DLG2: variants seen among roughly 807,000 people sequenced by gnomAD.
DLG2 encodes disks large homolog 2.
DLG2 carries 45 observed loss-of-function variants against 132.5 expected under a neutral mutation model. The ratio of observed to expected loss-of-function variants is 0.34; its 90% CI spans 0.27 to 0.44. DLG2 has a LOEUF of 0.44. Ranked by LOEUF, DLG2 falls within the 20% of genes least tolerant of loss-of-function variation. The pLI, the probability that DLG2 is intolerant of heterozygous loss-of-function variation, is 1.00. For missense variants in DLG2, 1,045 were observed against 1,196.9 expected, an observed-to-expected ratio of 0.87 and a Z score of 1.87; for synonymous variants, 424 against 419.6, an observed-to-expected ratio of 1.01 and a Z score of -0.13.
intron 4 of DLG2, among the ~76,000 whole-genome samples, chr11:85,270,215 A>G (rs2077443550): frequency 6.6e-6 from 1 of 152,126 alleles, no homozygotes. Flanking sequence ...TTATGGGGGC[A>G]AGTCTTTCCC....
intron 6 of DLG2, among the ~76,000 whole-genome samples, chr11:84,702,784 T>C (rs1216878158): frequency 1.3e-5 from 2 of 151,654 alleles, no homozygotes; most frequent in Non-Finnish European, 3.0e-5. Context: ...ATTTAAGTCT[T>C]CTGTCTCTTC....
At chr11:85,113,666 A>G (rs1772960426) in intron 5 of DLG2, among the ~76,000 whole-genome samples, 1 of 152,000 alleles carries the variant, frequency 6.6e-6, no homozygotes, top group Admixed American at 6.6e-5. Context: ...GTTCCCATTG[A>G]TCTACCTGTG....
At chr11:85,517,072 A>G (rs2153169086) in intron 3 of DLG2, among the ~76,000 whole-genome samples, 1 of 152,238 alleles carries the variant, frequency 6.6e-6, no homozygotes, top group East Asian at 1.9e-4. Context: ...AAAAGATAGT[A>G]CACCATGATC....
chr11:84,011,227 T>G (rs1303286316), intron 11 of DLG2, among the ~76,000 whole-genome samples: 1 of 152,030 alleles, frequency 6.6e-6, no homozygotes, highest in Non-Finnish European at 1.5e-5. Context: ...TCCTAGCACT[T>G]TGGGAGGCTG....
chr11:85,015,414 A>T (rs1249334704), intron 6 of DLG2, among the ~76,000 whole-genome samples: 2 of 4,014 alleles, frequency 5.0e-4, no homozygotes, highest in South Asian at 0.012. Flanking sequence ...GTGTTATTTA[A>T]AAAAAAAAAA....
intron 6 of DLG2, among the ~76,000 whole-genome samples, chr11:84,971,254 G>A (rs1257879413): frequency 2.0e-5 from 3 of 152,140 alleles, no homozygotes; most frequent in Non-Finnish European, 4.4e-5. Flanking sequence ...AAAGCACAGA[G>A]GCAAGAAAAT....
intron 3 of DLG2, among the ~76,000 whole-genome samples, chr11:85,396,323 A>G (rs1385325243): frequency 6.6e-6 from 1 of 152,206 alleles, no homozygotes; most frequent in Non-Finnish European, 1.5e-5. Context: ...ATGGGGAGAA[A>G]CAAGAGCAGA....
intron 11 of DLG2, among the ~76,000 whole-genome samples, chr11:84,003,670 T>G (rs976803615): frequency 6.6e-6 from 1 of 152,148 alleles, no homozygotes; most frequent in Non-Finnish European, 1.5e-5. Flanking sequence ...ATGATTCAGT[T>G]ACCTCCACCT....
At chr11:84,178,985 C>T (rs1488258495) in intron 8 of DLG2, among the ~76,000 whole-genome samples, 4 of 151,880 alleles carry the variant, frequency 2.6e-5, no homozygotes, top group Non-Finnish European at 4.4e-5. Flanking sequence ...ATGATCCATA[C>T]ATAAGAAAGT....
intron 6 of DLG2, among the ~76,000 whole-genome samples, chr11:84,798,251 C>T (rs929993445): frequency 2.0e-5 from 3 of 152,122 alleles, no homozygotes; most frequent in Admixed American, 2.0e-4. Flanking sequence ...TGTGTTCTTC[C>T]CTTCAGTGTG....
At chr11:83,471,339 C>T (rs970201111) in intron 24 of DLG2, among the ~76,000 whole-genome samples, 2 of 152,054 alleles carry the variant, frequency 1.3e-5, no homozygotes, top group Non-Finnish European at 2.9e-5. Flanking sequence ...ATCATAAATC[C>T]TATGCTGTTT....
At chr11:85,401,715 A>G (rs2088135151) in intron 3 of DLG2, among the ~76,000 whole-genome samples, 1 of 152,206 alleles carries the variant, frequency 6.6e-6, no homozygotes, top group South Asian at 2.1e-4. Flanking sequence ...AGAGAGCCAA[A>G]TCATGAGTGA....
At chr11:85,504,729 G>A (rs543756720) in intron 3 of DLG2, among the ~76,000 whole-genome samples, 35 of 152,162 alleles carry the variant, frequency 2.3e-4, no homozygotes, top group African/African-American at 8.4e-4. Flanking sequence ...CTTTAAGGTA[G>A]TTTTTTCCAA....
intron 8 of DLG2, among the ~76,000 whole-genome samples, chr11:84,176,317 T>TTATA (rs5793112): frequency 5.5e-5 from 8 of 146,092 alleles, no homozygotes; most frequent in African/African-American, 2.0e-4. Flanking sequence ...GCAGTAAAGC[T>TTATA]TATATATATA....
chr11:83,629,882 A>G (rs973851608), intron 19 of DLG2, among the ~76,000 whole-genome samples: 5 of 152,172 alleles, frequency 3.3e-5, no homozygotes, highest in Non-Finnish European at 4.4e-5. Flanking sequence ...CATTTTATTC[A>G]TATTTGTAAC....
At chr11:83,821,527 A>G (rs893592729) in intron 17 of DLG2, among the ~76,000 whole-genome samples, 2 of 152,146 alleles carry the variant, frequency 1.3e-5, no homozygotes, top group African/African-American at 4.8e-5. Flanking sequence ...TTCATATCTT[A>G]TGTCTCCACT....
chr11:83,964,347 G>T (rs1178388575), intron 13 of DLG2, among the ~76,000 whole-genome samples: 2 of 151,964 alleles, frequency 1.3e-5, no homozygotes, highest in Non-Finnish European at 2.9e-5. Context: ...TACATATTTT[G>T]GAGGTAAGTT....
rs200391402 is a variant in DLG2, at chr11:83,787,743, G to GT, written c.1723-952dup. Among the ~76,000 whole-genome samples, 1,339 of 152,280 alleles carry GT rather than the reference G, an allele frequency of 8.8e-3. 24 individuals are homozygous for GT. Among genetic ancestry groups the GT allele is most frequent in the African/African-American group, 0.03 (1,256 of 41,540 alleles). On this transcript the variant is annotated intron_variant, in intron 17 of 27. Coordinates refer to ENST00000376104, the MANE Select transcript of DLG2 (RefSeq NM_001142699.3). ...TAGCTATTGCTAACTCCCATTTTGG[G>GT]TCCCATACTGAAAGAGAAACAGAAA... is the stretch of plus-strand genomic sequence containing the variant.
intron 6 of DLG2, among the ~76,000 whole-genome samples, chr11:85,103,633 A>G (rs552364733): frequency 7.9e-5 from 12 of 152,068 alleles, no homozygotes; most frequent in African/African-American, 2.9e-4. Flanking sequence ...TTAAAAGAAA[A>G]TGTAGAAGGA....
Sources: allele counts gnomAD v4.1 joint callset (sites outside exome capture counted in the v4.1 genomes callset), GRCh38; gene constraint gnomAD v4.1.1; transcripts MANE v1.5; gene names NCBI Gene and HGNC (gene_info 2026-07-23, HGNC 2026-07-21).